TP53BP1: variants seen among roughly 807,000 people sequenced by gnomAD.
The protein encoded by TP53BP1 is TP53-binding protein 1.
In TP53BP1, 61 loss-of-function variants were observed where a neutral mutation model predicts 200.8. That is an observed-to-expected ratio of 0.30 (90% CI 0.25 to 0.38). The LOEUF is 0.38. Ranked by LOEUF, TP53BP1 falls within the 10% of genes least tolerant of loss-of-function variation. TP53BP1 has a pLI of 1.00. For missense variants in TP53BP1, 2,144 were observed against 2,371.9 expected, an observed-to-expected ratio of 0.90 and a Z score of 2.00; for synonymous variants, 822 against 844.3, an observed-to-expected ratio of 0.97 and a Z score of 0.46.
chr15:43,403,556 T>G lies in TP53BP1; in HGVS notation c.*3827A>C. ...GGCAGGCCTTGCACGTGGCAGTGTC[T>G]ATCCTGTCAGATTTGGGAGGTCAGC... On this transcript the variant is annotated 3_prime_UTR_variant, in exon 28 of 28. Coordinates refer to ENST00000382044, the MANE Select transcript of TP53BP1 (RefSeq NM_001141980.3). The G allele has an allele frequency of 1.4e-6, 1 of 710,582 alleles. No individual in the cohort carries two copies. The allele number at this position is 710,582 out of a possible 1,614,324, so 44.0% of individuals were successfully genotyped here.
chr15:43,432,946 T>C (rs575349737), intron 16 of TP53BP1, among the ~76,000 whole-genome samples: 1 of 152,232 alleles, frequency 6.6e-6, no homozygotes, highest in East Asian at 1.9e-4. Context: ...TTCCCATCAC[T>C]AGCTATGAAC....
chr15:43,408,083 G>C lies in TP53BP1; in HGVS notation c.5606C>G (p.Pro1869Arg). The change falls in exon 27 of 28, where the codon CCC becomes CGC. Residue 1869 changes from proline to arginine, a missense_variant. Pro to Arg is a moderately radical substitution (Grantham distance 103). Around this residue, in one of 4 missense-constraint regions of TP53BP1, gnomAD observed 334 missense variants for 453.4 expected, o/e 0.74. Transcript: ENST00000382044. Reference sequence around the variant, plus strand: ...CAGATTCTGGAAAGGATTTTCACGGGGTTGCCTATGAAGGAGACAGGAAAG... The same window carrying C: ...CAGATTCTGGAAAGGATTTTCACGGCGTTGCCTATGAAGGAGACAGGAAAG... ...LEEQRILDWQ[P>R]RENPFQNLKV... The C allele has an allele frequency of 6.2e-7, 1 of 1,613,736 alleles. No homozygotes were observed. The highest frequency in any genetic ancestry group is 8.5e-7 in the Non-Finnish European group (1 of 1,179,884).
intron 8 of TP53BP1, 68 bp downstream of exon 8, chr15:43,477,525 A>T: frequency 7.1e-7 from 1 of 1,404,668 alleles, no homozygotes; most frequent in Non-Finnish European, 9.4e-7. Context: ...CTTAACCAGT[A>T]GCCTCAGAAC....
chr15:43,403,492 G>A lies in TP53BP1; in HGVS notation c.*3891C>T. On this transcript the variant is annotated 3_prime_UTR_variant, in exon 28 of 28. Transcript: ENST00000382044. ...AGTAATACTCGCTTAGCCAGGAAAG[G>A]ATGCATTTGTTTTACGCATTTTGTG... 1.8e-6 allele frequency: 1 copy of A among 551,054 alleles called. No individual in the cohort carries two copies. The highest frequency in any genetic ancestry group is 3.3e-6 in the Non-Finnish European group (1 of 306,898). The allele number at this position is 551,054 out of a possible 1,614,324, so 34.1% of individuals were successfully genotyped here.
intron 16 of TP53BP1, among the ~76,000 whole-genome samples, chr15:43,437,865 G>C (rs1403245254): frequency 6.6e-6 from 1 of 152,172 alleles, no homozygotes; most frequent in Non-Finnish European, 1.5e-5. Flanking sequence ...CTGGGAAATT[G>C]ATAAAGAAAA....
upstream of TP53BP1, among the ~76,000 whole-genome samples, chr15:43,495,300 C>T (rs1351010661): frequency 6.6e-6 from 1 of 150,938 alleles, no homozygotes. Context: ...GAGATCGAGA[C>T]CATCCTGGCT....
chr15:43,506,209 G>T (rs2079235583), intron 1 of TP53BP1, among the ~76,000 whole-genome samples: 1 of 152,180 alleles, frequency 6.6e-6, no homozygotes. Context: ...CAAGATGAGT[G>T]CAACTAATTG....
chr15:43,478,929 G>A (rs1343770992), intron 7 of TP53BP1, among the ~76,000 whole-genome samples: 1 of 152,216 alleles, frequency 6.6e-6, no homozygotes, highest in East Asian at 1.9e-4. Flanking sequence ...CATCATTGCA[G>A]GCTAGGCAGA....
At chr15:43,414,587 G>T (rs904980000) in intron 23 of TP53BP1, among the ~76,000 whole-genome samples, 1 of 152,050 alleles carries the variant, frequency 6.6e-6, no homozygotes, top group Non-Finnish European at 1.5e-5. Flanking sequence ...GCTGGGCCTG[G>T]GTCACAGTAG....
At chr15:43,466,160 G>A (rs1248624612) in intron 11 of TP53BP1, among the ~76,000 whole-genome samples, 2 of 152,238 alleles carry the variant, frequency 1.3e-5, no homozygotes, top group South Asian at 2.1e-4. Flanking sequence ...AAACCCAAGA[G>A]GTATCCAACA....
At position 43,479,511 on chromosome 15, in the gene TP53BP1, T is replaced by C. The variant is rs1442821893; in HGVS notation, c.674A>G (p.Glu225Gly). 1.9e-6 allele frequency: 3 copies of C among 1,608,848 alleles called. No homozygotes were observed. Among genetic ancestry groups the C allele is most frequent in the South Asian group, 1.1e-5 (1 of 89,658 alleles). Reference sequence around the variant, plus strand: ...TATGGGGATATCTTCGTTGGACTGTTCTTCATGCTTAATTGCTGAGAGTTT... The same window carrying C: ...TATGGGGATATCTTCGTTGGACTGTCCTTCATGCTTAATTGCTGAGAGTTT... ...VDANTAIKHEEQSNEDIPIAE... is the reference protein window; with the variant it reads ...VDANTAIKHEGQSNEDIPIAE... The change falls in exon 7 of 28, where the codon GAA becomes GGA. Residue 225 changes from glutamate (E) to glycine (G), a missense_variant. By Grantham distance (98) the Glu-to-Gly change is moderately conservative. Around this residue, in one of 4 missense-constraint regions of TP53BP1, gnomAD observed 1,700 missense variants for 1,710.3 expected, o/e 0.99. Coordinates refer to ENST00000382044, the MANE Select transcript of TP53BP1 (RefSeq NM_001141980.3).
At chr15:43,508,246 G>A (rs747228577) in intron 1 of TP53BP1, among the ~76,000 whole-genome samples, 10 of 152,120 alleles carry the variant, frequency 6.6e-5, no homozygotes, top group Non-Finnish European at 8.8e-5. Flanking sequence ...TGTAGTCCCA[G>A]CTACTCAGGA....
At chr15:43,472,935 G>T (rs951353361) in intron 10 of TP53BP1, among the ~76,000 whole-genome samples, 31 of 152,292 alleles carry the variant, frequency 2.0e-4, no homozygotes, top group African/African-American at 7.5e-4. Context: ...CAGCTCTTAA[G>T]GTGGCGCGTC....
Position 43,432,367 on chromosome 15 carries a change from C to A in TP53BP1, c.3502G>T (p.Val1168Phe), listed in dbSNP as rs565458769. The A allele has an allele frequency of 2.5e-6, 4 of 1,614,030 alleles. No individual in the cohort carries two copies. Among genetic ancestry groups the A allele is most frequent in the Non-Finnish European group, 3.4e-6 (4 of 1,180,004 alleles). ...GTTGCTGCTGAAACAGTTTCTGGGACCCTCAAGGAACACTCCATGGTTTGG... is the reference window on the plus strand; with the variant it reads ...GTTGCTGCTGAAACAGTTTCTGGGAACCTCAAGGAACACTCCATGGTTTGG... ...GIQTMECSLR[V>F]PETVSAATQT... The change falls in exon 17 of 28, where the codon GTC (valine) becomes TTC (phenylalanine). Residue 1168 changes from valine to phenylalanine, a missense_variant. Val to Phe is a conservative substitution (Grantham distance 50). This residue lies in a region of TP53BP1 where 1,700 missense variants were observed against 1,710.3 expected (regional missense o/e 0.99). Coordinates refer to ENST00000382044, the MANE Select transcript of TP53BP1 (RefSeq NM_001141980.3).
chr15:43,454,896 A>G (rs2046258323), intron 12 of TP53BP1, among the ~76,000 whole-genome samples: 1 of 151,986 alleles, frequency 6.6e-6, no homozygotes, highest in Admixed American at 6.6e-5. Context: ...ACACCTGGCT[A>G]ATTTTTTGTA....
At chr15:43,485,648 G>C (rs922894791) in intron 4 of TP53BP1, among the ~76,000 whole-genome samples, 2 of 149,378 alleles carry the variant, frequency 1.3e-5, no homozygotes, top group Non-Finnish European at 3.0e-5. Context: ...TTCAAGACCA[G>C]CCTGGCCAAC....
intron 18 of TP53BP1, among the ~76,000 whole-genome samples, chr15:43,423,488 T>C (rs1411402299): frequency 9.1e-6 from 1 of 110,080 alleles, no homozygotes; most frequent in South Asian, 2.7e-4. Flanking sequence ...TGAAACCCCG[T>C]CTCTACTAAC....
intron 23 of TP53BP1, chr15:43,413,999 C>A: frequency 2.5e-6 from 1 of 395,390 alleles, no homozygotes; most frequent in Non-Finnish European, 5.2e-6. Context: ...AGCCAGAACA[C>A]CCATGCCAAG....
rs34555611 is a variant in TP53BP1, at chr15:43,453,193, C to CAAAA, written c.2716+2695_2716+2698dup. Among the ~76,000 whole-genome samples the CAAAA allele has an allele frequency of 2.5e-3, 105 of 41,292 alleles. 5 individuals are homozygous for CAAAA. The highest frequency in any genetic ancestry group is 7.3e-3 in the African/African-American group (80 of 11,012). 27.1% of individuals were successfully genotyped at this position (41,292 alleles called of 152,430 possible). On this transcript the variant is annotated intron_variant, in intron 12 of 27. Coordinates refer to ENST00000382044, the MANE Select transcript of TP53BP1 (RefSeq NM_001141980.3). ...TGGGCGAAAAAGTGAGACTCCGTCTCAAAAAAAAAAAAAAAAAAAAAAAAA... is the reference window on the plus strand; with the variant it reads ...TGGGCGAAAAAGTGAGACTCCGTCTCAAAAAAAAAAAAAAAAAAAAAAAAAAAAA...
Sources: gnomAD v4.1 joint callset for allele counts (sites outside exome capture counted in the v4.1 genomes callset) on GRCh38, gnomAD v4.1.1 for gene constraint, gnomAD v4.1.1 regional missense constraint, MANE v1.5 for transcripts, NCBI Gene and HGNC (gene_info 2026-07-23, HGNC 2026-07-21) for gene names.